Variants in XRN1 observed in about 807,000 individuals in gnomAD.
The protein encoded by XRN1 is strand-exchange protein 1 homolog.
A neutral mutation model predicts 222.3 loss-of-function variants in XRN1; 67 were observed. The observed-to-expected ratio is 0.30, with a 90% CI of 0.25 to 0.37. The LOEUF (loss-of-function observed/expected upper bound fraction) is 0.37, where lower values mean the gene tolerates loss of function less well. XRN1 is among the 10% of genes least tolerant of loss of function. XRN1 has a pLI of 1.00. For synonymous variants in XRN1, 643 were observed against 652.4 expected, an observed-to-expected ratio of 0.99 and a Z score of 0.22; for missense variants, 1,707 against 2,000.2, an observed-to-expected ratio of 0.85 and a Z score of 2.80.
intron 33 of XRN1, among the ~76,000 whole-genome samples, chr3:142,342,411 A>G (rs1200083339): frequency 2.0e-5 from 3 of 152,230 alleles, no homozygotes; most frequent in African/African-American, 7.2e-5. Context: ...CAAAATACCA[A>G]TGAAATTCTT....
chr3:142,348,854 G>A (rs1211403128), intron 32 of XRN1, among the ~76,000 whole-genome samples: 2 of 152,148 alleles, frequency 1.3e-5, no homozygotes, highest in East Asian at 3.9e-4. Flanking sequence ...TGCCCAGGCT[G>A]GTGTCGAACT....
intron 1 of XRN1, among the ~76,000 whole-genome samples, chr3:142,436,956 A>AAAT (rs1009663082): frequency 2.0e-5 from 3 of 152,214 alleles, no homozygotes; most frequent in African/African-American, 7.2e-5. Context: ...GAATTTTTTA[A>AAAT]AATAATGAGC....
chr3:142,405,002 A>C lies in XRN1; in HGVS notation c.1788T>G (p.Ser596Arg). The C allele has an allele frequency of 6.2e-7, 1 of 1,613,936 alleles. No individual in the cohort carries two copies. The highest frequency in any genetic ancestry group is 2.2e-5 in the East Asian group (1 of 44,874). The part of the protein sequence containing the change: ...KKEERKRNQH[S>R]ECLMCWYDRD... Reference sequence around the variant, plus strand: ...TATCATACCAGCACATTAGGCACTCACTATGTTGGTTTCTTTTCCTCTCTT... The same window carrying C: ...TATCATACCAGCACATTAGGCACTCCCTATGTTGGTTTCTTTTCCTCTCTT... Residue 596 changes from serine to arginine, a missense_variant, in exon 16 of 41, where the codon AGT becomes AGG. Physicochemically the swap from Ser to Arg is moderately radical, Grantham distance 110. Around this residue, in one of 2 missense-constraint regions of XRN1, gnomAD observed 1,234 missense variants for 1,518.2 expected, o/e 0.81. Transcript: ENST00000392981.
intron 13 of XRN1, among the ~76,000 whole-genome samples, chr3:142,416,641 T>C (rs2068799463): frequency 6.6e-6 from 1 of 152,234 alleles, no homozygotes. Flanking sequence ...AATCTTTACA[T>C]TAACTAAGAC....
chr3:142,365,359 T>C lies in XRN1; in HGVS notation c.3212A>G (p.Lys1071Arg). 1 of 1,564,224 alleles carries C rather than the reference T, an allele frequency of 6.4e-7. No individual in the cohort carries two copies. Among genetic ancestry groups the C allele is most frequent in the Non-Finnish European group, 8.7e-7 (1 of 1,154,694 alleles). The change falls in exon 28 of 41, where the codon AAG (lysine) becomes AGG (arginine). Residue 1071 changes from lysine to arginine, a missense_variant. Lys to Arg is a conservative substitution (Grantham distance 26, BLOSUM62 2). Coordinates refer to ENST00000392981, the MANE Select transcript of XRN1 (RefSeq NM_001282857.2). ...TGTTACTCGCACCTTCTTATTATTC[T>C]TTCTTTGCTGAGGAAAAAGAAAAAT... ...EEEVEKCKQRKNNKKVRVTVK... is the reference protein window; with the variant it reads ...EEEVEKCKQRRNNKKVRVTVK...
chr3:142,434,861 C>T (rs1415163379), intron 1 of XRN1, among the ~76,000 whole-genome samples: 1 of 152,046 alleles, frequency 6.6e-6, no homozygotes, highest in Non-Finnish European at 1.5e-5. Flanking sequence ...AAATAAAACT[C>T]CATCTTACGC....
At chr3:142,400,875 CCACTG>C (rs1195482846) in intron 18 of XRN1, among the ~76,000 whole-genome samples, 2 of 152,040 alleles carry the variant, frequency 1.3e-5, no homozygotes, top group Non-Finnish European at 2.9e-5. Context: ...TGAGATTGCA[CCACTG>C]CACTCCAGCC....
intron 33 of XRN1, among the ~76,000 whole-genome samples, chr3:142,341,643 A>T (rs957327322): frequency 2.6e-5 from 4 of 152,090 alleles, no homozygotes; most frequent in East Asian, 1.9e-4. Context: ...TGAATGGATT[A>T]AAAAAAGGAC....
intron 1 of XRN1, among the ~76,000 whole-genome samples, chr3:142,440,743 C>T (rs1003192006): frequency 1.3e-5 from 2 of 152,120 alleles, no homozygotes; most frequent in African/African-American, 4.8e-5. Context: ...ACTCTGCTTT[C>T]CCAAATACCA....
intron 14 of XRN1, 120 bp from the exon 15 acceptor site, chr3:142,412,783 A>C: frequency 1.2e-6 from 1 of 803,746 alleles, no homozygotes; most frequent in Non-Finnish European, 1.8e-6. Flanking sequence ...AGCAAACTAA[A>C]TTTTTGTACC....
chr3:142,309,776 T>C lies in XRN1; in HGVS notation c.*1735A>G, dbSNP rs1427743905. 1 of 152,234 alleles carries C rather than the reference T, an allele frequency of 6.6e-6. No homozygotes were observed. The highest frequency in any genetic ancestry group is 1.5e-5 in the Non-Finnish European group (1 of 68,034). 9.4% of individuals were successfully genotyped at this position (152,234 alleles called of 1,614,324 possible). On this transcript the variant is annotated 3_prime_UTR_variant, in exon 41 of 41. Coordinates refer to ENST00000392981, the MANE Select transcript of XRN1 (RefSeq NM_001282857.2). ...GTTTGTACAGCTGAGGTGAAACATT[T>C]CACACTTTAAAGTAGGAAGAGGTTA...
At chr3:142,428,783 A>C (rs997118767) in intron 2 of XRN1, among the ~76,000 whole-genome samples, 2 of 152,150 alleles carry the variant, frequency 1.3e-5, no homozygotes, top group Non-Finnish European at 2.9e-5. Context: ...AAATATGTTA[A>C]CCCTGAAGTA....
At chr3:142,402,985 G>A (rs1288517639) in intron 18 of XRN1, among the ~76,000 whole-genome samples, 2 of 151,964 alleles carry the variant, frequency 1.3e-5, no homozygotes, top group South Asian at 2.1e-4. Context: ...AAGCTTTCCC[G>A]CTTTCTTTGA....
intron 37 of XRN1, among the ~76,000 whole-genome samples, chr3:142,322,158 T>C (rs1348967513): frequency 6.6e-6 from 1 of 152,166 alleles, no homozygotes; most frequent in African/African-American, 2.4e-5. Context: ...AGTCTGGGGA[T>C]AGCTGAGGGT....
chr3:142,312,253 C>T (rs2065097493), intron 40 of XRN1, among the ~76,000 whole-genome samples: 3 of 151,942 alleles, frequency 2.0e-5, no homozygotes, highest in Non-Finnish European at 2.9e-5. Flanking sequence ...GCGTTCCAGC[C>T]TGGGCTACAG....
chr3:142,352,602 G>A (rs550944321), intron 32 of XRN1, among the ~76,000 whole-genome samples: 3 of 152,170 alleles, frequency 2.0e-5, no homozygotes, highest in East Asian at 3.9e-4. Context: ...ATAAATGAGG[G>A]TCTGAAGGTA....
At chr3:142,378,693 A>G (rs2067213280) in intron 23 of XRN1, among the ~76,000 whole-genome samples, 1 of 152,142 alleles carries the variant, frequency 6.6e-6, no homozygotes, top group Non-Finnish European at 1.5e-5. Flanking sequence ...AAGCAGGAAA[A>G]AAATAGTGAG....
chr3:142,345,930 C>T (rs1327167946), intron 33 of XRN1, among the ~76,000 whole-genome samples: 1 of 152,164 alleles, frequency 6.6e-6, no homozygotes, highest in Non-Finnish European at 1.5e-5. Context: ...TCACACATCC[C>T]TGGTGCAAAG....
intron 21 of XRN1, among the ~76,000 whole-genome samples, chr3:142,383,773 T>A (rs1316439580): frequency 1.3e-5 from 2 of 152,334 alleles, no homozygotes. Flanking sequence ...CACTACACTG[T>A]ACTATAACAC....
Sources: gnomAD v4.1 joint callset for allele counts (sites outside exome capture counted in the v4.1 genomes callset) on GRCh38, gnomAD v4.1.1 for gene constraint, gnomAD v4.1.1 regional missense constraint, MANE v1.5 for transcripts, NCBI Gene and HGNC (gene_info 2026-07-23, HGNC 2026-07-21) for gene names.